Variants in SMYD3 observed in about 807,000 individuals in gnomAD.
The protein encoded by SMYD3 is histone-lysine N-methyltransferase SMYD3.
In SMYD3, 36 loss-of-function variants were observed where a neutral mutation model predicts 57.7. The ratio of observed to expected loss-of-function variants is 0.62; its 90% CI spans 0.48 to 0.82. The LOEUF is 0.82. SMYD3 is among the 40% of genes least tolerant of loss of function. The probability of loss-of-function intolerance (pLI) is 0.00; values close to 1 mark genes in which losing one functional copy is unlikely to be tolerated. For synonymous variants in SMYD3, 211 were observed against 195.0 expected (o/e 1.08, Z -0.68); for missense variants, 515 against 538.8 (o/e 0.96, Z 0.44).
chr1:245,906,011 TAAATC>T (rs2054537762), intron 8 of SMYD3, among the ~76,000 whole-genome samples: 1 of 152,196 alleles, frequency 6.6e-6, no homozygotes, highest in Non-Finnish European at 1.5e-5. Flanking sequence ...ATTAAAGACT[TAAATC>T]TAAGACCTCA....
intron 5 of SMYD3, among the ~76,000 whole-genome samples, chr1:246,150,366 G>A (rs1323473337): frequency 6.6e-6 from 1 of 152,138 alleles, no homozygotes; most frequent in Non-Finnish European, 1.5e-5. Context: ...TCGGGTAACT[G>A]TGGGAACAAA....
At chr1:245,909,235 A>T (rs1237116259) in intron 8 of SMYD3, among the ~76,000 whole-genome samples, 2 of 152,164 alleles carry the variant, frequency 1.3e-5, no homozygotes, top group African/African-American at 4.8e-5. Flanking sequence ...GTCACACACA[A>T]ACTACCAAGG....
chr1:246,425,797 T>TTA (rs1404477697), intron 1 of SMYD3, among the ~76,000 whole-genome samples: 1 of 152,208 alleles, frequency 6.6e-6, no homozygotes, highest in Non-Finnish European at 1.5e-5. Context: ...CTTGATTACT[T>TTA]TAATGCCATC....
At chr1:245,859,980 G>C (rs2051449298) in intron 9 of SMYD3, among the ~76,000 whole-genome samples, 2 of 152,196 alleles carry the variant, frequency 1.3e-5, no homozygotes, top group African/African-American at 4.8e-5. Flanking sequence ...CCTCTCATGA[G>C]CCAGGGAGAG....
intron 5 of SMYD3, among the ~76,000 whole-genome samples, chr1:246,057,923 A>G (rs2060180763): frequency 6.6e-6 from 1 of 152,204 alleles, no homozygotes; most frequent in South Asian, 2.1e-4. Flanking sequence ...TTAGCACTAA[A>G]AGTAAGTGAT....
At chr1:246,412,170 CAGTT>C (rs928487118) in intron 1 of SMYD3, among the ~76,000 whole-genome samples, 1 of 152,146 alleles carries the variant, frequency 6.6e-6, no homozygotes, top group African/African-American at 2.4e-5. Context: ...TTTACCTACT[CAGTT>C]AAGTAAGGAA....
intron 5 of SMYD3, among the ~76,000 whole-genome samples, chr1:246,138,106 T>C (rs2061691032): frequency 6.6e-6 from 1 of 152,168 alleles, no homozygotes; most frequent in Non-Finnish European, 1.5e-5. Context: ...AAATATAGTA[T>C]GTATGTCTTA....
intron 5 of SMYD3, among the ~76,000 whole-genome samples, chr1:246,181,435 C>T (rs542960936): frequency 1.3e-5 from 2 of 152,342 alleles, no homozygotes; most frequent in South Asian, 2.1e-4. Context: ...TGCCACTCCC[C>T]ACAGCTGAGA....
chr1:245,998,304 C>G (rs2058971222), intron 5 of SMYD3, among the ~76,000 whole-genome samples: 1 of 152,142 alleles, frequency 6.6e-6, no homozygotes, highest in Non-Finnish European at 1.5e-5. Flanking sequence ...TTCTGAGCTC[C>G]CAGAGGTTTT....
chr1:246,464,258 G>A (rs868719595), intron 1 of SMYD3, among the ~76,000 whole-genome samples: 1 of 152,186 alleles, frequency 6.6e-6, no homozygotes, highest in Non-Finnish European at 1.5e-5. Context: ...GCTCACTCCT[G>A]TAGACCCAGC....
intron 1 of SMYD3, among the ~76,000 whole-genome samples, chr1:246,417,614 T>C (rs1306721900): frequency 2.0e-5 from 3 of 152,108 alleles, no homozygotes; most frequent in Non-Finnish European, 4.4e-5. Context: ...CATCAGTCAG[T>C]TTACCAGAAT....
intron 5 of SMYD3, among the ~76,000 whole-genome samples, chr1:246,027,831 G>A (rs564416436): frequency 6.6e-6 from 1 of 152,288 alleles, no homozygotes; most frequent in East Asian, 1.9e-4. Context: ...GGCTATAGCT[G>A]CCATCAATAT....
rs183074315 is a variant in SMYD3, at chr1:246,334,118, T to C, written c.336+1249A>G. 1.2e-4 allele frequency among the ~76,000 whole-genome samples: 19 copies of C among 152,218 alleles called. No homozygotes were observed. In the East Asian group the frequency reaches 3.3e-3, roughly 26 times the overall value. On this transcript the variant is annotated intron_variant, in intron 3 of 11. Transcript: ENST00000490107. ...AGAAAAGGGAACACTTATCTACTGT[T>C]AGTGGGAATGTAATCTAGTTCAGCC...
intron 5 of SMYD3, among the ~76,000 whole-genome samples, chr1:245,936,749 G>T (rs1328111601): frequency 1.2e-5 from 1 of 83,904 alleles, no homozygotes; most frequent in African/African-American, 4.7e-5. Flanking sequence ...ACAAAAATTA[G>T]CTGGGCATGA....
intron 5 of SMYD3, among the ~76,000 whole-genome samples, chr1:246,284,133 G>A (rs1340474172): frequency 2.0e-5 from 3 of 152,180 alleles, no homozygotes; most frequent in African/African-American, 7.2e-5. Context: ...TGAGTATGCT[G>A]CAAAACGGCA....
chr1:246,073,678 C>T lies in SMYD3; in HGVS notation c.532-143741G>A, dbSNP rs182964409. ...GTTGCAGCAAGCCAAGATCACGCCA[C>T]GGTACTCCAGCCTAGGTGACAGGGC... On this transcript the variant is annotated intron_variant, in intron 5 of 11. Coordinates refer to ENST00000490107, the MANE Select transcript of SMYD3 (RefSeq NM_001167740.2). Among the ~76,000 whole-genome samples the T allele has an allele frequency of 2.0e-3, 303 of 152,186 alleles. 2 individuals carry two copies. The highest frequency in any genetic ancestry group is 2.7e-3 in the Non-Finnish European group (181 of 68,018).
intron 5 of SMYD3, among the ~76,000 whole-genome samples, chr1:246,002,445 A>G (rs1175394635): frequency 4.1e-5 from 2 of 48,540 alleles, no homozygotes; most frequent in Non-Finnish European, 9.8e-5. Context: ...CGGCCTCCCA[A>G]AGTGCTGGGA....
intron 5 of SMYD3, among the ~76,000 whole-genome samples, chr1:246,227,956 C>CTTTTTTTTTTTTTTT (rs202246263): frequency 8.7e-6 from 1 of 115,594 alleles, no homozygotes; most frequent in Non-Finnish European, 1.7e-5. Context: ...ATTTTTATTC[C>CTTTTTTTTTTTTTTT]TTTTTTTTTT....
chr1:246,459,107 A>G (rs1012251677), intron 1 of SMYD3, among the ~76,000 whole-genome samples: 3 of 152,192 alleles, frequency 2.0e-5, no homozygotes, highest in African/African-American at 7.2e-5. Flanking sequence ...TTCTCCTTAC[A>G]GAGTTCTCGC....
Sources: gnomAD v4.1 joint callset for allele counts (sites outside exome capture counted in the v4.1 genomes callset) on GRCh38, gnomAD v4.1.1 for gene constraint, MANE v1.5 for transcripts, NCBI Gene and HGNC (gene_info 2026-07-23, HGNC 2026-07-21) for gene names.